CACNA1D: variants seen among roughly 807,000 people sequenced by gnomAD.
CACNA1D encodes the protein voltage-dependent L-type calcium channel subunit alpha-1D.
In CACNA1D, 55 loss-of-function variants were observed where a neutral mutation model predicts 257.1. The ratio of observed to expected loss-of-function variants is 0.21; its 90% confidence interval spans 0.17 to 0.27. The LOEUF is 0.27. Ranked by LOEUF, CACNA1D falls within the 10% of genes least tolerant of loss-of-function variation. The probability of loss-of-function intolerance (pLI) is 1.00; values close to 1 mark genes in which losing one functional copy is unlikely to be tolerated. For missense variants in CACNA1D, 1,876 were observed against 2,784.0 expected, an observed-to-expected ratio of 0.67 and a Z score of 7.34; for synonymous variants, 980 against 1,014.9, an observed-to-expected ratio of 0.97 and a Z score of 0.65.
chr3:53,790,191 G>A (rs1218185670), intron 40 of CACNA1D, among the ~76,000 whole-genome samples: 1 of 152,136 alleles, frequency 6.6e-6, no homozygotes, highest in Non-Finnish European at 1.5e-5. Context: ...AGTGACCCAC[G>A]AGTTTCCACG....
chr3:53,685,703 C>A (rs1450106568), intron 8 of CACNA1D, among the ~76,000 whole-genome samples: 1 of 151,954 alleles, frequency 6.6e-6, no homozygotes. Flanking sequence ...AATTAAATAA[C>A]CTATAACTCA....
At chr3:53,590,933 AT>A (rs1323900877) in intron 3 of CACNA1D, among the ~76,000 whole-genome samples, 2 of 152,100 alleles carry the variant, frequency 1.3e-5, no homozygotes, top group Non-Finnish European at 2.9e-5. Flanking sequence ...CCTGTCCTGC[AT>A]TTTTCTCTTA....
intron 3 of CACNA1D, among the ~76,000 whole-genome samples, chr3:53,598,599 A>G (rs888912593): frequency 6.6e-6 from 1 of 151,942 alleles, no homozygotes; most frequent in Non-Finnish European, 1.5e-5. Context: ...AAAAAAAAAA[A>G]AAAAGAAAAC....
chr3:53,794,475 G>A (rs1277724180), intron 40 of CACNA1D, among the ~76,000 whole-genome samples: 2 of 152,182 alleles, frequency 1.3e-5, no homozygotes, highest in East Asian at 3.9e-4. Flanking sequence ...CCATAGGAAG[G>A]CCATTTCTTC....
In CACNA1D at chr3:53,774,412, T is replaced by C. The variant is rs555655236; in HGVS notation, c.4111-175T>C. 1.6e-4 allele frequency: 102 copies of C among 623,186 alleles called. No individual in the cohort carries two copies. In the East Asian group the frequency reaches 2.8e-3, roughly 17 times the overall value. 38.6% of individuals were successfully genotyped at this position (623,186 alleles called of 1,614,324 possible). On this transcript the variant is annotated intron_variant, in intron 33 of 47. Transcript: ENST00000350061. The surrounding 1 kb of genome is among the most constrained non-coding windows in gnomAD (Gnocchi z 4.3). ...AGCACCACGTTCCCAGTGTGTAACC[T>C]GCTGCCTGGCACATGGTTGTGCCTG...
intron 30 of CACNA1D, among the ~76,000 whole-genome samples, chr3:53,767,894 C>T (rs1431949070): frequency 1.3e-5 from 2 of 152,188 alleles, no homozygotes; most frequent in African/African-American, 2.4e-5. Context: ...GTGTCGCAGG[C>T]GCACTGAGGG....
At chr3:53,567,075 A>G (rs1254491444) in intron 3 of CACNA1D, among the ~76,000 whole-genome samples, 1 of 152,114 alleles carries the variant, frequency 6.6e-6, no homozygotes, top group African/African-American at 2.4e-5. Context: ...GAATTCCTCT[A>G]TGTACTGTCT....
At chr3:53,658,146 A>G (rs933775173) in intron 4 of CACNA1D, among the ~76,000 whole-genome samples, 3 of 150,392 alleles carry the variant, frequency 2.0e-5, no homozygotes, top group African/African-American at 7.3e-5. Flanking sequence ...ATCTAGAGTC[A>G]GTTACTCCTT....
intron 3 of CACNA1D, among the ~76,000 whole-genome samples, chr3:53,601,306 A>C (rs2093438765): frequency 6.6e-6 from 1 of 152,160 alleles, no homozygotes. Context: ...AAAATATGAA[A>C]TTACATTCTC....
At position 53,811,052 on chromosome 3, in the gene CACNA1D, TC is replaced by T. The variant is rs759204663; in HGVS notation, c.6193-56del. ...AGCACTGGAGTTGATTTTTCTGTCG[TC>T]CCCCTGCCCTGCAAAGCCTTATAAC... On this transcript the variant is annotated intron_variant, in intron 47 of 47. Coordinates refer to ENST00000350061, the MANE Select transcript of CACNA1D (RefSeq NM_001128840.3). The surrounding 1 kb of genome is among the most constrained non-coding windows in gnomAD (Gnocchi z 4.2). The T allele has an allele frequency of 1.1e-3, 1,488 of 1,350,992 alleles. 2 individuals carry two copies. The highest frequency in any genetic ancestry group is 1.5e-3 in the Non-Finnish European group (1,384 of 940,834). 83.7% of individuals were successfully genotyped at this position (1,350,992 alleles called of 1,614,324 possible).
Position 53,682,378 on chromosome 3 carries a change from A to C in CACNA1D, c.1220+9252A>C, listed in dbSNP as rs1337727628. The stretch of plus-strand genomic sequence containing the variant: ...CTTTGTCTCTGGTAAAAAAAAAAAA[A>C]AAAAAAAAAAAAAAAAAACAGAAGT... On this transcript the variant is annotated intron_variant, in intron 8 of 47. Transcript: ENST00000350061. 7.0e-4 allele frequency among the ~76,000 whole-genome samples: 102 copies of C among 144,732 alleles called. 4 individuals carry two copies. The highest frequency in any genetic ancestry group is 2.4e-3 in the African/African-American group (95 of 38,912). 94.9% of individuals were successfully genotyped at this position (144,732 alleles called of 152,430 possible).
chr3:53,542,119 A>G (rs773705981), intron 3 of CACNA1D, among the ~76,000 whole-genome samples: 6 of 152,148 alleles, frequency 3.9e-5, no homozygotes, highest in Non-Finnish European at 8.8e-5. Context: ...AAGCCATTAA[A>G]TTGTGTACTT....
chr3:53,703,977 G>T (rs1170464960), intron 9 of CACNA1D, among the ~76,000 whole-genome samples: 1 of 152,198 alleles, frequency 6.6e-6, no homozygotes, highest in Non-Finnish European at 1.5e-5. Context: ...TTGCAGGTGT[G>T]ACCATTCAGT....
chr3:53,572,386 A>G (rs770934502), intron 3 of CACNA1D, among the ~76,000 whole-genome samples: 48 of 122,730 alleles, frequency 3.9e-4, no homozygotes, highest in African/African-American at 1.4e-3. Flanking sequence ...TTATTTATTT[A>G]TTTATTTATT....
chr3:53,740,038 C>T (rs1220734599), intron 20 of CACNA1D, among the ~76,000 whole-genome samples: 1 of 152,204 alleles, frequency 6.6e-6, no homozygotes, highest in Non-Finnish European at 1.5e-5. Context: ...CTGTCCAAGA[C>T]ACAAGACTGG....
At chr3:53,496,623 T>A (rs2090361527) in intron 1 of CACNA1D, among the ~76,000 whole-genome samples, 8 of 152,176 alleles carry the variant, frequency 5.3e-5, no homozygotes. Flanking sequence ...ATGGAAGATT[T>A]TTTTTCGGTA....
intron 45 of CACNA1D, among the ~76,000 whole-genome samples, chr3:53,806,082 C>A (rs562648666): frequency 1.4e-5 from 2 of 147,588 alleles, no homozygotes; most frequent in Non-Finnish European, 3.0e-5. Flanking sequence ...TCTCATCTTC[C>A]CTCATCTTCC....
rs577554366 is a variant in CACNA1D, at chr3:53,666,531, A to C, written c.1112A>C (p.Tyr371Ser). 38 of 1,612,186 alleles carry C rather than the reference A, an allele frequency of 2.4e-5. No homozygotes were observed. Among genetic ancestry groups the C allele is most frequent in the Non-Finnish European group, 2.9e-5 (34 of 1,178,316 alleles). ...ATGGAGGGCTGGACAGATGTGCTCT[A>C]CTGGGTAAGTACCCTGGGGAGAGAG... Reference protein sequence around the residue: ...ITMEGWTDVLYWMNDAMGFEL... With the variant: ...ITMEGWTDVLSWMNDAMGFEL... Residue 371 changes from tyrosine (Y) to serine (S), a missense_variant, in exon 7 of 48, where the codon TAC (tyrosine) becomes TCC (serine). Transcript: ENST00000350061.
At chr3:53,650,939 G>T (rs2094083968) in intron 4 of CACNA1D, 21 bp downstream of exon 4, 1 of 1,607,608 alleles carries the variant, frequency 6.2e-7, no homozygotes, top group South Asian at 1.1e-5. Context: ...TTTACTTTGG[G>T]GAAATGTTGA....
Sources: allele counts gnomAD v4.1 joint callset (sites outside exome capture counted in the v4.1 genomes callset), GRCh38; gene constraint gnomAD v4.1.1; non-coding constraint Gnocchi (gnomAD v3.1); transcripts MANE v1.5; gene names NCBI Gene and HGNC (gene_info 2026-07-23, HGNC 2026-07-21).